Variants in STK24 observed in about 807,000 individuals in gnomAD.
STK24 encodes serine/threonine-protein kinase 24.
Under a neutral mutation model 55.6 loss-of-function variants are expected in STK24, and 21 were observed. That is an observed-to-expected ratio of 0.38 (90% CI 0.27 to 0.54). The LOEUF (loss-of-function observed/expected upper bound fraction) is 0.54, where lower values mean the gene tolerates loss of function less well. Ranked by LOEUF, STK24 falls within the 20% of genes least tolerant of loss-of-function variation. The probability of loss-of-function intolerance (pLI) is 0.79; values close to 1 mark genes in which losing one functional copy is unlikely to be tolerated. For synonymous variants in STK24, 200 were observed against 215.2 expected (o/e 0.93, Z 0.62); for missense variants, 383 against 538.4 (o/e 0.71, Z 2.86).
intron 3 of STK24, among the ~76,000 whole-genome samples, chr13:98,477,287 G>A (rs189008373): frequency 6.6e-5 from 10 of 152,330 alleles, no homozygotes; most frequent in Admixed American, 1.3e-4. Context: ...CATCACCTGG[G>A]TGGACAGTGG....
Position 98,471,972 on chromosome 13 carries a change from G to A in STK24, c.597+2849C>T, listed in dbSNP as rs557904079. 3.9e-5 allele frequency among the ~76,000 whole-genome samples: 6 copies of A among 152,304 alleles called. No individual in the cohort carries two copies. In the South Asian group the frequency reaches 6.2e-4, roughly 16 times the overall value. On this transcript the variant is annotated intron_variant, in intron 5 of 10. Transcript: ENST00000539966. ...GTCTACAAGTCATGCAAGAGAGAAT[G>A]GAGGGAAAGCTGGGAAGCAGCTGAG...
At chr13:98,546,549 C>CT (rs1341652119) in intron 1 of STK24, among the ~76,000 whole-genome samples, 15 of 152,206 alleles carry the variant, frequency 9.9e-5, no homozygotes, top group African/African-American at 3.1e-4. Flanking sequence ...GCCTCACTCA[C>CT]CACCAGATGG....
chr13:98,571,234 T>C (rs116477285), intron 1 of STK24, among the ~76,000 whole-genome samples: 2,818 of 152,272 alleles, frequency 0.019, 73 homozygotes, highest in African/African-American at 0.064. Context: ...CCCTGCATCT[T>C]GCACCAGGGT....
At position 98,508,236 on chromosome 13, in the gene STK24, A is replaced by C. The variant is rs1428036730; in HGVS notation, c.273+11007T>G. On this transcript the variant is annotated intron_variant, in intron 2 of 10. Coordinates refer to ENST00000539966, the MANE Select transcript of STK24 (RefSeq NM_001032296.4). ...TTCGTATACAGGATCCCAAAAGCAGAAATCATATAAGGTGAAAAACTGATG... is the reference window on the plus strand; with the variant it reads ...TTCGTATACAGGATCCCAAAAGCAGCAATCATATAAGGTGAAAAACTGATG... Among the ~76,000 whole-genome samples the C allele has an allele frequency of 5.9e-5, 9 of 152,360 alleles. No individual in the cohort carries two copies. In the South Asian group the frequency reaches 1.9e-3, roughly 32 times the overall value.
At chr13:98,570,239 T>G (rs1293415593) in intron 1 of STK24, among the ~76,000 whole-genome samples, 15 of 152,222 alleles carry the variant, frequency 9.9e-5, no homozygotes, top group Middle Eastern at 3.4e-3. Context: ...CCAGGAGAGA[T>G]CAAAGGGGCT....
At chr13:98,485,709 A>C (rs1660924588) in intron 2 of STK24, among the ~76,000 whole-genome samples, 2 of 152,200 alleles carry the variant, frequency 1.3e-5, no homozygotes, top group Admixed American at 6.5e-5. Context: ...GACAGCTTGG[A>C]GGTTAGAAAG....
chr13:98,542,835 A>G (rs1333430890), intron 1 of STK24: 4 of 983,766 alleles, frequency 4.1e-6, no homozygotes, highest in East Asian at 1.1e-4. Flanking sequence ...CCAAGTACCA[A>G]CGCTTACCCT....
intron 2 of STK24, among the ~76,000 whole-genome samples, chr13:98,504,393 C>T (rs942658681): frequency 2.0e-5 from 3 of 152,218 alleles, no homozygotes; most frequent in South Asian, 4.1e-4. Context: ...GTCCACCATG[C>T]CTCTTCCCTG....
At position 98,512,848 on chromosome 13, in the gene STK24, A is replaced by C. The variant is rs1377325594; in HGVS notation, c.273+6395T>G. Among the ~76,000 whole-genome samples the C allele has an allele frequency of 2.0e-5, 3 of 152,240 alleles. No homozygotes were observed. The East Asian group carries it at 5.8e-4, about 29-fold the overall frequency. ...AGGGAGAGTCACAAACGTCCCATTAAGACTCCACTCAGTGAGGGAGGGGCT... is the reference window on the plus strand; with the variant it reads ...AGGGAGAGTCACAAACGTCCCATTACGACTCCACTCAGTGAGGGAGGGGCT... On this transcript the variant is annotated intron_variant, in intron 2 of 10. Coordinates refer to ENST00000539966, the MANE Select transcript of STK24 (RefSeq NM_001032296.4).
At chr13:98,554,139 T>A (rs1489680712) in intron 1 of STK24, among the ~76,000 whole-genome samples, 3 of 151,386 alleles carry the variant, frequency 2.0e-5, no homozygotes, top group Non-Finnish European at 2.9e-5. Context: ...CCTGGTGCAG[T>A]TTTTTTTCTT....
chr13:98,498,715 C>T (rs1432808606), intron 2 of STK24, among the ~76,000 whole-genome samples: 1 of 152,118 alleles, frequency 6.6e-6, no homozygotes, highest in African/African-American at 2.4e-5. Context: ...CCTCCCCTGC[C>T]GTCTCCCCAC....
At chr13:98,571,722 A>T (rs1897744511) in intron 1 of STK24, among the ~76,000 whole-genome samples, 1 of 152,214 alleles carries the variant, frequency 6.6e-6, no homozygotes, top group East Asian at 1.9e-4. Context: ...TTTAGCACTG[A>T]TCAGCAAAAA....
chr13:98,525,503 C>G (rs549164704), intron 1 of STK24, among the ~76,000 whole-genome samples: 2 of 152,270 alleles, frequency 1.3e-5, no homozygotes, highest in South Asian at 4.1e-4. Flanking sequence ...GGGATGGGGG[C>G]GGGGATGGGA....
intron 2 of STK24, among the ~76,000 whole-genome samples, chr13:98,512,757 C>A (rs2139368897): frequency 6.6e-6 from 1 of 152,222 alleles, no homozygotes; most frequent in East Asian, 1.9e-4. Flanking sequence ...AGTCACACAG[C>A]CCCATTCCGG....
intron 5 of STK24, among the ~76,000 whole-genome samples, chr13:98,473,402 T>A (rs1894233350): frequency 2.7e-5 from 4 of 149,964 alleles, no homozygotes; most frequent in Admixed American, 2.7e-4. Flanking sequence ...TTAAGAAACA[T>A]GGGTTCTAGT....
At chr13:98,564,936 C>T (rs1282004518) in intron 1 of STK24, among the ~76,000 whole-genome samples, 1 of 152,176 alleles carries the variant, frequency 6.6e-6, no homozygotes, top group African/African-American at 2.4e-5. Flanking sequence ...CTGCCCCCAA[C>T]AGGTTTATAA....
chr13:98,499,544 T>G (rs1174160537), intron 2 of STK24, among the ~76,000 whole-genome samples: 1 of 152,196 alleles, frequency 6.6e-6, no homozygotes, highest in Non-Finnish European at 1.5e-5. Context: ...TGGAATGTCA[T>G]GTTTCCATGG....
intron 3 of STK24, among the ~76,000 whole-genome samples, chr13:98,476,648 T>C (rs1186713444): frequency 6.6e-6 from 1 of 152,176 alleles, no homozygotes; most frequent in Admixed American, 6.5e-5. Context: ...CTGTTCCACA[T>C]CCGGAAGTAC....
intron 1 of STK24, among the ~76,000 whole-genome samples, chr13:98,554,239 C>T (rs566538385): frequency 4.6e-5 from 7 of 152,192 alleles, no homozygotes; most frequent in Admixed American, 6.5e-5. Context: ...TAACAACAAA[C>T]GTCCTCATTA....
Sources: gnomAD v4.1 joint callset for allele counts (sites outside exome capture counted in the v4.1 genomes callset) on GRCh38, gnomAD v4.1.1 for gene constraint, MANE v1.5 for transcripts, NCBI Gene and HGNC (gene_info 2026-07-23, HGNC 2026-07-21) for gene names.